REEP1: variants seen among roughly 807,000 people sequenced by gnomAD.
REEP1 encodes receptor expression-enhancing protein 1.
A neutral mutation model predicts 40.3 loss-of-function variants in REEP1; 22 were observed. The ratio of observed to expected loss-of-function variants is 0.55; its 90% CI spans 0.39 to 0.78. The LOEUF (loss-of-function observed/expected upper bound fraction) is 0.78, where lower values mean the gene tolerates loss of function less well. Among genes scored for constraint, REEP1 ranks in the 30% least tolerant of loss-of-function variants. REEP1 has a pLI of 0.00. For missense variants in REEP1, 280 were observed against 361.1 expected (o/e 0.78, Z 1.82); for synonymous variants, 116 against 139.2 (o/e 0.83, Z 1.17).
intron 5 of REEP1, among the ~76,000 whole-genome samples, chr2:86,243,550 T>C (rs1486541359): frequency 2.0e-5 from 3 of 152,162 alleles, no homozygotes; most frequent in Non-Finnish European, 4.4e-5. Context: ...TCACTATGCA[T>C]GGAGCAGTGT....
chr2:86,263,861 GC>G, intron 3 of REEP1, 103 bp downstream of exon 3: 1 of 826,384 alleles, frequency 1.2e-6, no homozygotes. Flanking sequence ...TGCGTCTCTG[GC>G]CTGAGGTGAG....
intron 1 of REEP1, among the ~76,000 whole-genome samples, chr2:86,332,474 C>T (rs1441961797): frequency 6.6e-6 from 1 of 150,464 alleles, no homozygotes; most frequent in African/African-American, 2.4e-5. Flanking sequence ...CACACACACA[C>T]GTTCACTCAC....
intron 1 of REEP1, among the ~76,000 whole-genome samples, chr2:86,312,047 C>T (rs1679790065): frequency 6.6e-6 from 1 of 152,234 alleles, no homozygotes; most frequent in Admixed American, 6.5e-5. Context: ...TTCATTCTCA[C>T]CGCCAAGACT....
chr2:86,317,699 G>A (rs1469814319), intron 1 of REEP1, among the ~76,000 whole-genome samples: 1 of 152,186 alleles, frequency 6.6e-6, no homozygotes, highest in Non-Finnish European at 1.5e-5. Context: ...TGTCATAGAT[G>A]ATATAGTAAA....
chr2:86,315,181 G>A (rs921402481), intron 1 of REEP1, among the ~76,000 whole-genome samples: 3 of 152,196 alleles, frequency 2.0e-5, no homozygotes, highest in African/African-American at 7.2e-5. Context: ...AATCAGGGAA[G>A]CTGCCTGCCA....
chr2:86,221,927 C>A (rs1674451882), intron 7 of REEP1, among the ~76,000 whole-genome samples: 1 of 152,136 alleles, frequency 6.6e-6, no homozygotes. Context: ...AGCAGCCTGG[C>A]CAGCTCCACC....
intron 7 of REEP1, among the ~76,000 whole-genome samples, chr2:86,225,745 A>G (rs1166287088): frequency 6.6e-6 from 1 of 152,214 alleles, no homozygotes; most frequent in Non-Finnish European, 1.5e-5. Context: ...CAAAAGCTAT[A>G]TTAGGCACCT....
chr2:86,323,291 G>A (rs1422168751), intron 1 of REEP1, among the ~76,000 whole-genome samples: 21 of 152,232 alleles, frequency 1.4e-4, no homozygotes, highest in Admixed American at 1.4e-3. Flanking sequence ...AGATTTGTGT[G>A]TTTGTGTATG....
intron 1 of REEP1, among the ~76,000 whole-genome samples, chr2:86,310,611 A>G (rs1187782628): frequency 6.6e-6 from 1 of 152,136 alleles, no homozygotes; most frequent in Admixed American, 6.5e-5. Context: ...TTTCCACCCT[A>G]AAGATCAAGA....
At chr2:86,271,814 C>T (rs1042340661) in intron 2 of REEP1, among the ~76,000 whole-genome samples, 1 of 152,208 alleles carries the variant, frequency 6.6e-6, no homozygotes, top group African/African-American at 2.4e-5. Flanking sequence ...ACATCAGTAT[C>T]CAGACACATT....
At chr2:86,227,124 C>G (rs1674750307) in intron 7 of REEP1, among the ~76,000 whole-genome samples, 2 of 152,338 alleles carry the variant, frequency 1.3e-5, no homozygotes, top group East Asian at 3.9e-4. Context: ...AGGCTGACAT[C>G]TTGACTGCAG....
chr2:86,258,684 C>A (rs779064039), intron 3 of REEP1, among the ~76,000 whole-genome samples: 11 of 152,208 alleles, frequency 7.2e-5, no homozygotes, highest in Non-Finnish European at 1.3e-4. Context: ...CAATCCCCGC[C>A]AAGTCTTCTT....
intron 5 of REEP1, among the ~76,000 whole-genome samples, chr2:86,238,328 G>C (rs1675473066): frequency 6.6e-6 from 1 of 152,220 alleles, no homozygotes; most frequent in Non-Finnish European, 1.5e-5. Context: ...AATGAAATAT[G>C]GTTGCACTTC....
intron 3 of REEP1, among the ~76,000 whole-genome samples, chr2:86,256,381 AC>A (rs1420777669): frequency 1.3e-5 from 2 of 150,402 alleles, no homozygotes; most frequent in Non-Finnish European, 3.0e-5. Flanking sequence ...TTCACCTGCA[AC>A]ACACCTTTCA....
In REEP1 at chr2:86,216,759, TATA is replaced by T. The variant is rs1429236511; in HGVS notation, c.*277_*279del. 2.4e-6 allele frequency: 1 copy of T among 419,540 alleles called. No homozygotes were observed. The highest frequency in any genetic ancestry group is 4.3e-5 in the East Asian group (1 of 23,200). The allele number at this position is 419,540 out of a possible 1,614,324, so 26.0% of individuals were successfully genotyped here. A position where few individuals can be genotyped will look rare whatever the true frequency, so the allele number is the denominator to read the frequency against. On this transcript the variant is annotated 3_prime_UTR_variant, in exon 9 of 9. Transcript: ENST00000538924. ...TCTTTCTAAAAAACACACTGCTGTC[TATA>T]ATGACAATCCAATTGTGGAAAATTA...
At chr2:86,290,403 C>T (rs1171080375) in intron 1 of REEP1, among the ~76,000 whole-genome samples, 1 of 152,130 alleles carries the variant, frequency 6.6e-6, no homozygotes, top group Non-Finnish European at 1.5e-5. Flanking sequence ...AGAATTAAAA[C>T]CCACACTAAA....
rs979823391 is a variant in REEP1 at position 86,216,705 on chromosome 2, A to T, written c.*334T>A. ...TGCAACAGATAAATTACAAATGTAC[A>T]TCTCAGCAGCATAGGGGTGATTCTC... On this transcript the variant is annotated 3_prime_UTR_variant, in exon 9 of 9. Coordinates refer to ENST00000538924, the MANE Select transcript of REEP1 (RefSeq NM_001371279.1). 1.2e-5 allele frequency: 3 copies of T among 241,720 alleles called. No individual in the cohort carries two copies. The Admixed American group carries it at 1.5e-4, about 12-fold the overall frequency. The allele number at this position is 241,720 out of a possible 1,614,324, so 15.0% of individuals were successfully genotyped here.
intron 5 of REEP1, among the ~76,000 whole-genome samples, chr2:86,236,738 A>T (rs1188388626): frequency 4.1e-5 from 6 of 145,848 alleles, no homozygotes; most frequent in African/African-American, 1.3e-4. Flanking sequence ...ATTTTCATCA[A>T]TTTTTTTTTT....
chr2:86,316,585 G>A (rs1159739369), intron 1 of REEP1, among the ~76,000 whole-genome samples: 2 of 149,618 alleles, frequency 1.3e-5, no homozygotes, highest in African/African-American at 4.9e-5. Flanking sequence ...AGGGCCAGGC[G>A]TGGTGGCTCA....
Sources: allele counts gnomAD v4.1 joint callset (sites outside exome capture counted in the v4.1 genomes callset), GRCh38; gene constraint gnomAD v4.1.1; transcripts MANE v1.5; gene names NCBI Gene and HGNC (gene_info 2026-07-23, HGNC 2026-07-21).